The following ZBED6 variants were observed in gnomAD, a reference collection of about 807,000 sequenced individuals.
ZBED6 encodes zinc finger BED domain-containing protein 6.
A neutral mutation model predicts 58.4 loss-of-function variants in ZBED6; 40 were observed. The ratio of observed to expected loss-of-function variants is 0.68; its 90% CI spans 0.53 to 0.89. ZBED6 has a LOEUF of 0.89. Ranked by LOEUF, ZBED6 falls within the 40% of genes least tolerant of loss-of-function variation. The probability of loss-of-function intolerance (pLI) is 0.00; values close to 1 mark genes in which losing one functional copy is unlikely to be tolerated. For missense variants in ZBED6, 1,057 were observed against 1,003.9 expected (o/e 1.05, Z -0.71); for synonymous variants, 439 against 350.6 (o/e 1.25, Z -2.82).
In ZBED6 at chr1:203,842,232, G is replaced by C. The variant is rs533176813; in HGVS notation, c.*3741+1858G>C. Among the ~76,000 whole-genome samples the C allele has an allele frequency of 3.7e-3, 566 of 152,302 alleles. 4 individuals are homozygous for C. The highest frequency in any genetic ancestry group is 0.013 in the African/African-American group (545 of 41,564). On this transcript the variant is annotated intron_variant, in intron 11 of 16. Transcript: ENST00000550078. ...GCAGAGGCTGCAATCTCAGCACTTT[G>C]GGAGGCAAGGCAGGCGGCTGGGAGG...
intron 11 of ZBED6, among the ~76,000 whole-genome samples, chr1:203,842,514 G>A (rs1415639613): frequency 6.6e-6 from 1 of 151,962 alleles, no homozygotes; most frequent in Non-Finnish European, 1.5e-5. Context: ...AGGAGAATCA[G>A]GCAGGGAGGT....
At position 203,847,661 on chromosome 1, in the gene ZBED6, G is replaced by A. The variant is rs142558234; in HGVS notation, c.*4219G>A. On this transcript the variant is annotated 3_prime_UTR_variant, in exon 12 of 17. Coordinates refer to ENST00000550078, the Ensembl canonical transcript of ZBED6. ...CACGAGGCCACTCCAGGGGCAAGGCGGCTGCTGCGAATCACCAAAAGAACA... is the reference window on the plus strand; with the variant it reads ...CACGAGGCCACTCCAGGGGCAAGGCAGCTGCTGCGAATCACCAAAAGAACA... 81 of 1,612,260 alleles carry A rather than the reference G, an allele frequency of 5.0e-5. No individual in the cohort carries two copies. Among genetic ancestry groups the A allele is most frequent in the Admixed American group, 1.8e-4 (11 of 59,772 alleles).
At chr1:203,825,649 T>C (rs1364436020) in intron 3 of ZBED6, among the ~76,000 whole-genome samples, 1 of 152,124 alleles carries the variant, frequency 6.6e-6, no homozygotes, top group Non-Finnish European at 1.5e-5. Context: ...TTGGTCAGGC[T>C]CCTGACCTCA....
At position 203,798,869 on chromosome 1, in the gene ZBED6, GACTT is replaced by G; in HGVS notation, c.1352_1355del (p.Tyr451PhefsTer19). 2.0e-6 allele frequency: 3 copies of G among 1,536,092 alleles called. No individual in the cohort carries two copies. The highest frequency in any genetic ancestry group is 2.6e-6 in the Non-Finnish European group (3 of 1,146,910). ...CCCCTGATTATAGGTTGCCATCAGA[GACTT>G]ACTTTTTCACTAAGGCTGTACCTCA... On this transcript the variant is annotated frameshift_variant, in exon 1 of 17. Transcript: ENST00000550078. LOFTEE classifies it high-confidence loss of function.
At chr1:203,848,286 G>A (rs1206757922) in intron 12 of ZBED6, 45 bp from the exon 13 acceptor site, 2 of 1,489,942 alleles carry the variant, frequency 1.3e-6, no homozygotes, top group Non-Finnish European at 1.8e-6. Flanking sequence ...TCATGAAGTT[G>A]CAGCTTAAAT....
exon 1 of ZBED6, chr1:203,797,363 C>T: frequency 1.5e-6 from 1 of 652,052 alleles, no homozygotes; most frequent in Non-Finnish European, 2.4e-6. Flanking sequence ...CAGTTTTCCT[C>T]CAAAAATAAC....
intron 1 of ZBED6, among the ~76,000 whole-genome samples, chr1:203,816,630 C>T (rs1676474365): frequency 2.0e-5 from 3 of 151,940 alleles, no homozygotes; most frequent in Admixed American, 6.6e-5. Context: ...GACACTGTCT[C>T]TAAAAAGAGT....
chr1:203,832,087 G>A (rs758210865), intron 8 of ZBED6, among the ~76,000 whole-genome samples: 4 of 152,090 alleles, frequency 2.6e-5, no homozygotes, highest in Non-Finnish European at 5.9e-5. Context: ...AGACAGAGTT[G>A]CACTCCTGTT....
At chr1:203,798,270 A>G (rs752482003) in exon 1 of ZBED6, 29 of 1,536,160 alleles carry the variant, frequency 1.9e-5, no homozygotes, top group Non-Finnish European at 2.3e-5. Context: ...ATTTCTCATC[A>G]AAAGTAACAT....
intron 1 of ZBED6, among the ~76,000 whole-genome samples, chr1:203,812,930 T>C (rs1675011936): frequency 6.6e-6 from 1 of 152,202 alleles, no homozygotes; most frequent in Non-Finnish European, 1.5e-5. Flanking sequence ...TGATGCATGA[T>C]GTTGGGCAAG....
chr1:203,838,548 G>A (rs1021969727), intron 10 of ZBED6, among the ~76,000 whole-genome samples: 6 of 152,222 alleles, frequency 3.9e-5, no homozygotes, highest in African/African-American at 1.4e-4. Context: ...AACTGCATAT[G>A]GCTGAAACAT....
exon 2 of ZBED6, chr1:203,817,015 T>A: frequency 7.3e-7 from 1 of 1,366,486 alleles, no homozygotes; most frequent in Non-Finnish European, 1.0e-6. Flanking sequence ...GTCCTTGCTT[T>A]GAGGAAGCAG....
At chr1:203,812,299 C>T (rs773607395) in intron 1 of ZBED6, among the ~76,000 whole-genome samples, 72 of 152,078 alleles carry the variant, frequency 4.7e-4, no homozygotes, top group Non-Finnish European at 9.0e-4. Context: ...TGATAGGCTC[C>T]AGTGTTTGTT....
chr1:203,817,874 T>C (rs1355796531), intron 2 of ZBED6, among the ~76,000 whole-genome samples: 1 of 151,972 alleles, frequency 6.6e-6, no homozygotes, highest in Non-Finnish European at 1.5e-5. Context: ...TGCCTCAGCC[T>C]CCCAAGTAGC....
exon 1 of ZBED6, chr1:203,800,313 A>G (rs1268186796): frequency 1.1e-5 from 10 of 890,862 alleles, no homozygotes; most frequent in Non-Finnish European, 1.8e-5. Flanking sequence ...AAAACAGATC[A>G]TGAGCCTGGA....
chr1:203,835,186 A>G (rs934050735), intron 9 of ZBED6, among the ~76,000 whole-genome samples: 5 of 152,220 alleles, frequency 3.3e-5, no homozygotes, highest in African/African-American at 4.8e-5. Flanking sequence ...ACTTTCAGCG[A>G]TGAGATAATG....
exon 1 of ZBED6, chr1:203,796,657 G>T (rs1404684765): frequency 2.6e-6 from 1 of 390,374 alleles, no homozygotes; most frequent in Middle Eastern, 6.4e-4. Context: ...AATGGAAGTG[G>T]TTTAAAGTTC....
exon 1 of ZBED6, chr1:203,797,543 T>A (rs1037097707): frequency 6.6e-7 from 1 of 1,523,586 alleles, no homozygotes; most frequent in Non-Finnish European, 8.7e-7. Flanking sequence ...GTACTCTAAG[T>A]GTACCAGTTT....
intron 1 of ZBED6, chr1:203,805,856 C>G (rs1183276077): frequency 7.9e-6 from 7 of 888,668 alleles, no homozygotes; most frequent in South Asian, 7.7e-5. Flanking sequence ...TTTGCATCTT[C>G]CATCATGTCC....
Sources: gnomAD v4.1 joint callset for allele counts (sites outside exome capture counted in the v4.1 genomes callset) on GRCh38, gnomAD v4.1.1 for gene constraint, MANE v1.5 for transcripts, NCBI Gene and HGNC (gene_info 2026-07-23, HGNC 2026-07-21) for gene names.